The following NAV2 variants were observed in gnomAD, a reference collection of about 807,000 sequenced individuals.
NAV2 encodes the protein neuron navigator 2, also known as helicase, APC down-regulated 1.
A neutral mutation model predicts 223.2 loss-of-function variants in NAV2; 54 were observed. The ratio of observed to expected loss-of-function variants is 0.24; its 90% CI spans 0.19 to 0.30. NAV2 has a LOEUF of 0.30. Ranked by LOEUF, NAV2 falls within the 10% of genes least tolerant of loss-of-function variation. The pLI is 1.00. For synonymous variants in NAV2, 1,279 were observed against 1,239.3 expected (o/e 1.03, Z -0.67); for missense variants, 2,806 against 3,147.5 (o/e 0.89, Z 2.60).
chr11:19,549,121 A>G (rs537668080), intron 1 of NAV2, among the ~76,000 whole-genome samples: 2 of 152,208 alleles, frequency 1.3e-5, no homozygotes, highest in African/African-American at 2.4e-5. Flanking sequence ...CATGATGTTA[A>G]GAAGGACATT....
intron 1 of NAV2, among the ~76,000 whole-genome samples, chr11:19,750,403 T>C (rs1215798087): frequency 6.6e-6 from 1 of 152,260 alleles, no homozygotes; most frequent in Non-Finnish European, 1.5e-5. Context: ...TATTTTTCTG[T>C]CGTTCCCTTG....
rs762844154 is a variant in NAV2, at chr11:19,934,127, C to A, written c.1883C>A (p.Thr628Asn). The stretch of plus-strand genomic sequence containing the variant: ...GAAGGAAAAGGCCCAGGAGGGACCA[C>A]CCTGAACCACAGCATCAGCAGCCAG... ...SSEGKGPGGTTLNHSISSQTV... is the reference protein window; with the variant it reads ...SSEGKGPGGTNLNHSISSQTV... The change falls in exon 7 of 38, where the codon ACC becomes AAC. Residue 628 changes from threonine (T) to asparagine (N), a missense_variant. By Grantham distance (65) the Thr-to-Asn change is moderately conservative. This residue lies in a region of NAV2 where 1,167 missense variants were observed against 1,180.5 expected (regional missense o/e 0.99). Transcript: ENST00000349880. 1 of 1,614,160 alleles carries A rather than the reference C, an allele frequency of 6.2e-7. No homozygotes were observed. Among genetic ancestry groups the A allele is most frequent in the African/African-American group, 1.3e-5 (1 of 75,042 alleles).
At chr11:19,861,674 T>G (rs2061800520) in intron 3 of NAV2, among the ~76,000 whole-genome samples, 1 of 152,244 alleles carries the variant, frequency 6.6e-6, no homozygotes, top group Admixed American at 6.5e-5. Flanking sequence ...CTGTGTTACA[T>G]CCTCTAAATA....
intron 1 of NAV2, among the ~76,000 whole-genome samples, chr11:19,364,092 C>G (rs965847102): frequency 6.6e-6 from 1 of 152,164 alleles, no homozygotes; most frequent in Admixed American, 6.5e-5. Context: ...AGTTCCAACC[C>G]TAATCACATA....
At chr11:19,876,321 C>T (rs1020407568) in intron 4 of NAV2, among the ~76,000 whole-genome samples, 5 of 152,228 alleles carry the variant, frequency 3.3e-5, no homozygotes, top group East Asian at 1.9e-4. Context: ...CCACCATGCC[C>T]GGCCTCATTT....
chr11:20,056,339 T>G (rs1011998733), intron 19 of NAV2, among the ~76,000 whole-genome samples: 10 of 152,236 alleles, frequency 6.6e-5, no homozygotes, highest in African/African-American at 2.4e-4. Context: ...TTCATTTCCC[T>G]GTGCTGACAT....
In NAV2 at chr11:19,518,290, G is replaced by C. The variant is rs2043525622; in HGVS notation, c.75+167263G>C. 3 of 152,208 alleles carry C rather than the reference G, an allele frequency of 2.0e-5. No homozygotes were observed. In the South Asian group the frequency reaches 6.2e-4, roughly 32 times the overall value. 9.4% of individuals were successfully genotyped at this position (152,208 alleles called of 1,614,324 possible). On this transcript the variant is annotated intron_variant, in intron 1 of 37. Coordinates refer to the NAV2 transcript ENST00000360655. ...GTTGAGATTCACAGGAAGTAAAGGG[G>C]AAACAGCCTACCCTTGCCTTGGCTC...
chr11:19,393,919 T>TTTTTAGGTC (rs59470591), intron 1 of NAV2, among the ~76,000 whole-genome samples: 1 of 150,980 alleles, frequency 6.6e-6, no homozygotes, highest in African/African-American at 2.4e-5. Context: ...TTTTTTTTTT[T>TTTTTAGGTC]AGGTCAAATC....
rs563464374 is a variant in NAV2 at position 19,908,021 on chromosome 11, C to T, written c.931+15427C>T. Among the ~76,000 whole-genome samples, 56 of 152,334 alleles carry T rather than the reference C, an allele frequency of 3.7e-4. 1 individual carries two copies. The highest frequency in any genetic ancestry group is 1.0e-3 in the South Asian group (5 of 4,818). On this transcript the variant is annotated intron_variant, in intron 6 of 37. Coordinates refer to ENST00000349880, the MANE Select transcript of NAV2 (RefSeq NM_145117.5). ...CCTTCAGTCTGAGCATGCCAAGATG[C>T]CCTGGCTCTGGCCTTGAGGTGTTAG...
intron 1 of NAV2, among the ~76,000 whole-genome samples, chr11:19,675,316 A>G (rs750133282): frequency 7.9e-5 from 12 of 152,052 alleles, no homozygotes; most frequent in Non-Finnish European, 1.6e-4. Context: ...TCCCTCACTT[A>G]TTTGATAAAC....
chr11:19,991,569 G>T (rs572391599), intron 11 of NAV2, among the ~76,000 whole-genome samples: 6 of 152,032 alleles, frequency 3.9e-5, no homozygotes, highest in African/African-American at 1.5e-4. Context: ...TATAATAACT[G>T]CATTTAATAA....
chr11:19,970,874 C>T (rs2049179371), intron 10 of NAV2, among the ~76,000 whole-genome samples: 1 of 152,178 alleles, frequency 6.6e-6, no homozygotes, highest in South Asian at 2.1e-4. Flanking sequence ...CTTTGAAATC[C>T]CCCCAGATCT....
intron 10 of NAV2, among the ~76,000 whole-genome samples, chr11:19,956,094 G>A (rs1475818422): frequency 6.6e-6 from 1 of 152,154 alleles, no homozygotes; most frequent in Non-Finnish European, 1.5e-5. Flanking sequence ...TGGTCTCAGT[G>A]GGATTAGGAA....
chr11:20,048,495 G>C (rs1408070371), intron 14 of NAV2, among the ~76,000 whole-genome samples: 2 of 152,214 alleles, frequency 1.3e-5, no homozygotes, highest in Non-Finnish European at 2.9e-5. Flanking sequence ...CTCAGATGGA[G>C]TCAGAGTCTC....
chr11:20,060,353 A>C (rs2058625707), intron 19 of NAV2, among the ~76,000 whole-genome samples: 1 of 152,192 alleles, frequency 6.6e-6, no homozygotes. Context: ...GAATTAACTT[A>C]CCTCTGTGGA....
chr11:19,598,304 C>T (rs1413975629), intron 1 of NAV2, among the ~76,000 whole-genome samples: 1 of 152,212 alleles, frequency 6.6e-6, no homozygotes, highest in Admixed American at 6.5e-5. Context: ...TTGTGGCACC[C>T]ACAGCGAGTA....
intron 1 of NAV2, among the ~76,000 whole-genome samples, chr11:19,615,580 G>A (rs1025859411): frequency 6.6e-6 from 1 of 151,920 alleles, no homozygotes; most frequent in Admixed American, 6.6e-5. Flanking sequence ...CAGTGGCTAG[G>A]CGCTCAGTGC....
At chr11:19,711,830 C>T (rs2049894359), upstream of NAV2, 1 of 152,214 alleles carries the variant, frequency 6.6e-6, no homozygotes, top group Admixed American at 6.5e-5. Context: ...TTAATCCAAA[C>T]AACAGCTCAT....
At chr11:20,016,164 C>G (rs2153521369) in intron 11 of NAV2, among the ~76,000 whole-genome samples, 1 of 152,308 alleles carries the variant, frequency 6.6e-6, no homozygotes, top group Admixed American at 6.5e-5. Context: ...CTCTTATGTC[C>G]TTTACTGGAA....
Sources: gnomAD v4.1 joint callset for allele counts (sites outside exome capture counted in the v4.1 genomes callset) on GRCh38, gnomAD v4.1.1 for gene constraint, gnomAD v4.1.1 regional missense constraint, MANE v1.5 for transcripts, NCBI Gene and HGNC (gene_info 2026-07-23, HGNC 2026-07-21) for gene names.